ANKRD31: variants seen among roughly 807,000 people sequenced by gnomAD.
ANKRD31 encodes ankyrin repeat domain 31.
ANKRD31 carries 147 observed loss-of-function variants against 186.0 expected under a neutral mutation model. That is an observed-to-expected ratio of 0.79 (90% CI 0.69 to 0.91). The LOEUF (loss-of-function observed/expected upper bound fraction) is 0.91, where lower values mean the gene tolerates loss of function less well. Ranked by LOEUF, ANKRD31 falls within the 40% of genes least tolerant of loss-of-function variation. The probability of loss-of-function intolerance (pLI) is 0.00; values close to 1 mark genes in which losing one functional copy is unlikely to be tolerated. For missense variants in ANKRD31, 1,986 were observed against 2,148.8 expected, an observed-to-expected ratio of 0.92 and a Z score of 1.50; for synonymous variants, 673 against 736.4, an observed-to-expected ratio of 0.91 and a Z score of 1.39.
At chr5:75,116,725 A>G in intron 18 of ANKRD31, 44 bp from the exon 19 acceptor site, 2 of 1,159,028 alleles carry the variant, frequency 1.7e-6, no homozygotes, top group South Asian at 4.6e-5. Context: ...ATGTGCAAAA[A>G]TATAGTTTCA....
At chr5:75,135,424 C>A (rs1028518201) in intron 17 of ANKRD31, among the ~76,000 whole-genome samples, 20 of 151,466 alleles carry the variant, frequency 1.3e-4, no homozygotes, top group African/African-American at 3.1e-4. Flanking sequence ...CAATTGCTTC[C>A]AAGAGAATAA....
At position 75,124,476 on chromosome 5, in the gene ANKRD31, G is replaced by A. The variant is rs202009576; in HGVS notation, c.3877-6179C>T. The stretch of plus-strand genomic sequence containing the variant: ...AAATCATCATATTAAAAAGATACTT[G>A]TACTCAAATGTTCACTGTAACACTA... On this transcript the variant is annotated intron_variant, in intron 17 of 25. Transcript: ENST00000506364. Among the ~76,000 whole-genome samples, 20 of 152,228 alleles carry A rather than the reference G, an allele frequency of 1.3e-4. No individual in the cohort carries two copies. In the East Asian group the frequency reaches 3.9e-3, roughly 29 times the overall value.
chr5:75,148,836 T>C (rs1751665168), intron 12 of ANKRD31, among the ~76,000 whole-genome samples: 1 of 151,906 alleles, frequency 6.6e-6, no homozygotes, highest in African/African-American at 2.4e-5. Context: ...AATATTTCTA[T>C]AGGGAAAGCA....
chr5:75,189,904 T>A (rs1320762467), intron 9 of ANKRD31, among the ~76,000 whole-genome samples: 1 of 152,184 alleles, frequency 6.6e-6, no homozygotes, highest in African/African-American at 2.4e-5. Context: ...CAGCGATTGG[T>A]CTTCAAGTGT....
chr5:75,210,741 A>G, intron 4 of ANKRD31, 87 bp downstream of exon 4: 1 of 970,808 alleles, frequency 1.0e-6, no homozygotes, highest in Middle Eastern at 2.6e-4. Context: ...AATAATTCTA[A>G]AACTCTTAAA....
chr5:75,089,841 T>C (rs189426708), intron 23 of ANKRD31, among the ~76,000 whole-genome samples: 1 of 152,208 alleles, frequency 6.6e-6, no homozygotes, highest in African/African-American at 2.4e-5. Context: ...TTGACATGGC[T>C]ATGAGAAAAT....
At chr5:75,183,946 A>G (rs550286324) in intron 10 of ANKRD31, among the ~76,000 whole-genome samples, 1 of 152,114 alleles carries the variant, frequency 6.6e-6, no homozygotes, top group Admixed American at 6.6e-5. Context: ...ACCCCCAAAC[A>G]GCCAAAGCAA....
intron 10 of ANKRD31, among the ~76,000 whole-genome samples, chr5:75,183,754 T>C (rs186698465): frequency 7.6e-4 from 116 of 152,204 alleles, no homozygotes; most frequent in African/African-American, 2.6e-3. Context: ...ATGAAACAGA[T>C]TGAAGAGGAC....
chr5:75,089,667 A>G (rs1745781502), intron 23 of ANKRD31, among the ~76,000 whole-genome samples: 1 of 152,214 alleles, frequency 6.6e-6, no homozygotes, highest in Non-Finnish European at 1.5e-5. Context: ...CAGTGCCCAT[A>G]GTAATTTTTA....
At chr5:75,098,700 A>G (rs1746543717) in intron 22 of ANKRD31, among the ~76,000 whole-genome samples, 1 of 152,166 alleles carries the variant, frequency 6.6e-6, no homozygotes, top group African/African-American at 2.4e-5. Context: ...GCAATTGTGA[A>G]TGGGAGTTCA....
rs112646313 is a variant in ANKRD31, at chr5:75,177,062, C to T, written c.1565-7941G>A. ...AAGGACCTAATGGAGCTGGAAACCA[C>T]GGCACGAGAACTACGTGACAAATGC... On this transcript the variant is annotated intron_variant, in intron 10 of 25. Transcript: ENST00000506364. 3.3e-3 allele frequency among the ~76,000 whole-genome samples: 502 copies of T among 152,168 alleles called. 2 individuals carry two copies. The highest frequency in any genetic ancestry group is 5.8e-3 in the Admixed American group (88 of 15,276).
In ANKRD31 at chr5:75,086,897, A is replaced by G. The variant is rs1044137378; in HGVS notation, c.5473-2523T>C. ...CGCGCACGTGTGCACGCATGTGCAT[A>G]CACACACACATGCATGTTTGAGGAA... On this transcript the variant is annotated intron_variant, in intron 23 of 25. Transcript: ENST00000506364. Among the ~76,000 whole-genome samples, 113 of 138,180 alleles carry G rather than the reference A, an allele frequency of 8.2e-4. 1 individual carries two copies. The highest frequency in any genetic ancestry group is 3.4e-3 in the African/African-American group (107 of 31,434). The allele number at this position is 138,180 out of a possible 152,430, so 90.7% of individuals were successfully genotyped here.
chr5:75,162,593 C>T (rs907912101), intron 11 of ANKRD31, among the ~76,000 whole-genome samples: 1 of 152,084 alleles, frequency 6.6e-6, no homozygotes, highest in Non-Finnish European at 1.5e-5. Context: ...AATGTGAGGA[C>T]ATGAGATTTA....
chr5:75,218,498 C>A (rs1001017532), intron 3 of ANKRD31, among the ~76,000 whole-genome samples: 1 of 152,030 alleles, frequency 6.6e-6, no homozygotes, highest in African/African-American at 2.4e-5. Context: ...AGATTCACAG[C>A]TGAATTATAA....
intron 11 of ANKRD31, among the ~76,000 whole-genome samples, chr5:75,158,779 G>A (rs1752376728): frequency 6.6e-6 from 1 of 152,074 alleles, no homozygotes; most frequent in Non-Finnish European, 1.5e-5. Flanking sequence ...GCAACAGAGT[G>A]AGATTCTGTC....
chr5:75,091,441 G>A, intron 22 of ANKRD31, 40 bp from the exon 23 acceptor site: 1 of 1,510,504 alleles, frequency 6.6e-7, no homozygotes, highest in Non-Finnish European at 8.8e-7. Flanking sequence ...GTCAAAAATA[G>A]CTGAAATATG....
chr5:75,113,555 A>G (rs1472848714), intron 19 of ANKRD31, among the ~76,000 whole-genome samples: 2 of 152,160 alleles, frequency 1.3e-5, no homozygotes, highest in East Asian at 3.8e-4. Flanking sequence ...TGCTCCATTA[A>G]TGATGACGGA....
At chr5:75,175,690 C>A (rs1328742512) in intron 10 of ANKRD31, among the ~76,000 whole-genome samples, 1 of 151,920 alleles carries the variant, frequency 6.6e-6, no homozygotes, top group Admixed American at 6.6e-5. Flanking sequence ...TTCACACACA[C>A]CCCTGAACTC....
At chr5:75,226,379 C>G (rs1411804703) in intron 2 of ANKRD31, among the ~76,000 whole-genome samples, 1 of 152,018 alleles carries the variant, frequency 6.6e-6, no homozygotes, top group East Asian at 1.9e-4. Flanking sequence ...CAGGTCTGAC[C>G]CAGTGGTGGT....
Sources: gnomAD v4.1 joint callset for allele counts (sites outside exome capture counted in the v4.1 genomes callset) on GRCh38, gnomAD v4.1.1 for gene constraint, MANE v1.5 for transcripts, NCBI Gene and HGNC (gene_info 2026-07-23, HGNC 2026-07-21) for gene names.